Variants in KCTD3 observed in about 807,000 individuals in gnomAD.
KCTD3 encodes the protein potassium channel tetramerization domain containing 3, also known as BTB/POZ domain-containing protein KCTD3.
Under a neutral mutation model 85.8 loss-of-function variants are expected in KCTD3, and 41 were observed. The ratio of observed to expected loss-of-function variants is 0.48; its 90% CI spans 0.37 to 0.62. The LOEUF (loss-of-function observed/expected upper bound fraction) is 0.62, where lower values mean the gene tolerates loss of function less well. Among genes scored for constraint, KCTD3 ranks in the 20% least tolerant of loss-of-function variants. The probability of loss-of-function intolerance (pLI) is 0.00; values close to 1 mark genes in which losing one functional copy is unlikely to be tolerated. For synonymous variants in KCTD3, 338 were observed against 345.4 expected, an observed-to-expected ratio of 0.98 and a Z score of 0.24; for missense variants, 724 against 989.9, an observed-to-expected ratio of 0.73 and a Z score of 3.60.
chr1:215,573,718 CAAGTT>C, intron 1 of KCTD3, 63 bp from the exon 2 acceptor site: 1 of 901,454 alleles, frequency 1.1e-6, no homozygotes, highest in East Asian at 2.5e-5. Context: ...TGTATTAAAA[CAAGTT>C]AACTAATACT....
At chr1:215,589,395 C>T (rs990492981) in intron 9 of KCTD3, among the ~76,000 whole-genome samples, 2 of 152,184 alleles carry the variant, frequency 1.3e-5, no homozygotes, top group Non-Finnish European at 2.9e-5. Context: ...GCTACCTTGG[C>T]TTTCCAAAGT....
rs138842433 is a variant in KCTD3 at position 215,618,775 on chromosome 1, C to A, written c.1563-111C>A. The A allele has an allele frequency of 8.8e-6, 7 of 792,208 alleles. No individual in the cohort carries two copies. In the African/African-American group the frequency reaches 8.9e-5, roughly 10 times the overall value. The allele number at this position is 792,208 out of a possible 1,614,324, so 49.1% of individuals were successfully genotyped here. A position where few individuals can be genotyped will look rare whatever the true frequency, so the allele number is the denominator to read the frequency against. On this transcript the variant is annotated intron_variant, in intron 15 of 17. Transcript: ENST00000259154. ...AAATTTTAAATGATTTTTTAAAAGT[C>A]TTTTCTAGTATAACATGTTTGCTTT...
chr1:215,591,577 G>A (rs894315798), intron 9 of KCTD3, among the ~76,000 whole-genome samples: 3 of 151,948 alleles, frequency 2.0e-5, no homozygotes, highest in African/African-American at 4.8e-5. Flanking sequence ...AGATAGTCTC[G>A]ATCTCTTGAC....
chr1:215,616,195 A>G (rs1051928461), intron 15 of KCTD3, among the ~76,000 whole-genome samples: 10 of 152,198 alleles, frequency 6.6e-5, no homozygotes, highest in African/African-American at 2.4e-4. Context: ...CCAAGTTTTC[A>G]TATGCATACA....
intron 8 of KCTD3, among the ~76,000 whole-genome samples, chr1:215,580,680 A>G (rs1225604697): frequency 1.3e-5 from 2 of 152,126 alleles, no homozygotes; most frequent in Admixed American, 6.5e-5. Flanking sequence ...TGGTTGGAAT[A>G]TACTAGCTTA....
At chr1:215,569,296 T>G (rs1229077428) in intron 1 of KCTD3, among the ~76,000 whole-genome samples, 2 of 151,806 alleles carry the variant, frequency 1.3e-5, no homozygotes, top group African/African-American at 4.8e-5. Flanking sequence ...AATTTTTGCA[T>G]TTTTAGTAGA....
At chr1:215,604,069 C>T (rs553030123) in intron 12 of KCTD3, 63 bp from the exon 13 acceptor site, 12 of 1,285,588 alleles carry the variant, frequency 9.3e-6, no homozygotes, top group South Asian at 4.7e-5. Flanking sequence ...GGAAGCTTTG[C>T]GAGGGTAGCT....
chr1:215,579,813 A>T, intron 7 of KCTD3, 96 bp from the exon 8 acceptor site: 1 of 825,770 alleles, frequency 1.2e-6, no homozygotes, highest in Non-Finnish European at 2.0e-6. Flanking sequence ...CAAAACTATT[A>T]ACCAAAACAG....
At chr1:215,581,341 T>C (rs1176911585) in intron 8 of KCTD3, among the ~76,000 whole-genome samples, 2 of 152,242 alleles carry the variant, frequency 1.3e-5, no homozygotes, top group Non-Finnish European at 1.5e-5. Context: ...ATAATTTCTT[T>C]GGGGATGGTT....
intron 1 of KCTD3, among the ~76,000 whole-genome samples, chr1:215,572,168 A>G (rs1022683372): frequency 9.2e-5 from 14 of 152,224 alleles, no homozygotes; most frequent in African/African-American, 2.9e-4. Flanking sequence ...GTACAGAAGA[A>G]TCAAGTCTCC....
Position 215,604,317 on chromosome 1 carries a change from T to C in KCTD3, c.1309+15T>C, listed in dbSNP as rs752369885. ...TCTTGTATCAGGTAAAATGATTTCA[T>C]TATACTGGTAAGGAACTTGGCTCTG... On this transcript the variant is annotated intron_variant, in intron 13 of 17. Transcript: ENST00000259154. 1 of 1,600,926 alleles carries C rather than the reference T, an allele frequency of 6.2e-7. No individual in the cohort carries two copies. The highest frequency in any genetic ancestry group is 8.6e-7 in the Non-Finnish European group (1 of 1,168,962).
At chr1:215,585,523 G>A (rs1038066903) in intron 8 of KCTD3, among the ~76,000 whole-genome samples, 5 of 152,168 alleles carry the variant, frequency 3.3e-5, no homozygotes, top group Non-Finnish European at 5.9e-5. Context: ...GTCAGGTAGT[G>A]TGCAAAAGAA....
At chr1:215,574,512 C>A (rs965989908) in intron 3 of KCTD3, among the ~76,000 whole-genome samples, 1 of 151,778 alleles carries the variant, frequency 6.6e-6, no homozygotes, top group Admixed American at 6.6e-5. Flanking sequence ...AATAACCTTG[C>A]GAATTTGTTT....
At chr1:215,608,361 C>T (rs111458350) in intron 14 of KCTD3, among the ~76,000 whole-genome samples, 189 bp downstream of exon 14, 57 of 151,958 alleles carry the variant, frequency 3.8e-4, no homozygotes, top group African/African-American at 1.3e-3. Flanking sequence ...TTTATTGCAG[C>T]GTTTTTCCTT....
At chr1:215,568,458 CTCTG>C (rs1265151962) in intron 1 of KCTD3, among the ~76,000 whole-genome samples, 19 of 121,060 alleles carry the variant, frequency 1.6e-4, no homozygotes, top group African/African-American at 4.2e-4. Context: ...GAATGCTCTT[CTCTG>C]TCTGTTCTCT....
chr1:215,577,713 G>A lies in KCTD3; in HGVS notation c.301G>A (p.Gly101Arg), dbSNP rs766424324. Residue 101 changes from glycine (G) to arginine (R), a missense_variant, in exon 5 of 18, where the codon GGG becomes AGG. Physicochemically the swap from Gly to Arg is moderately radical, Grantham distance 125. This residue lies in a region of KCTD3 where 17 missense variants were observed against 40.4 expected (regional missense o/e 0.42). Transcript: ENST00000259154. ...TCTCAGGCATGAAGCAGAATTTTACGGGATCACTCCATTAGGTATGTGCTC... is the reference window on the plus strand; with the variant it reads ...TCTCAGGCATGAAGCAGAATTTTACAGGATCACTCCATTAGGTATGTGCTC... ...NVLRHEAEFY[G>R]ITPLVRRLLL... The A allele has an allele frequency of 1.9e-6, 3 of 1,594,172 alleles. No individual in the cohort carries two copies. Among genetic ancestry groups the A allele is most frequent in the African/African-American group, 1.3e-5 (1 of 74,480 alleles).
At chr1:215,618,193 G>T (rs750879840) in intron 15 of KCTD3, 1 of 448,980 alleles carries the variant, frequency 2.2e-6, no homozygotes, top group Admixed American at 2.4e-5. Flanking sequence ...TGTTGCATGA[G>T]AGTACAGGAA....
At chr1:215,614,940 T>A (rs976381513) in intron 15 of KCTD3, among the ~76,000 whole-genome samples, 1 of 152,150 alleles carries the variant, frequency 6.6e-6, no homozygotes, top group Non-Finnish European at 1.5e-5. Flanking sequence ...TGCCAAATGT[T>A]ATTAAAACTG....
At chr1:215,600,068 A>G (rs1027179390) in intron 10 of KCTD3, among the ~76,000 whole-genome samples, 8 of 152,156 alleles carry the variant, frequency 5.3e-5, no homozygotes, top group African/African-American at 1.9e-4. Flanking sequence ...TGTGTAAAGC[A>G]GTCTCCCCTC....
Sources: allele counts gnomAD v4.1 joint callset (sites outside exome capture counted in the v4.1 genomes callset), GRCh38; gene constraint gnomAD v4.1.1; regional missense constraint gnomAD v4.1.1; transcripts MANE v1.5; gene names NCBI Gene and HGNC (gene_info 2026-07-23, HGNC 2026-07-21).